The following MEA1 variants were observed in gnomAD, a reference collection of about 807,000 sequenced individuals.
MEA1 encodes the protein Male-enhanced antigen (H-Y structural gene).
Under a neutral mutation model 21.4 loss-of-function variants are expected in MEA1, and 22 were observed. That is an observed-to-expected ratio of 1.03 (90% CI 0.73 to 1.47). The LOEUF (loss-of-function observed/expected upper bound fraction) is 1.47, where lower values mean the gene tolerates loss of function less well. MEA1 is among the 40% of genes most tolerant of loss of function. The probability of loss-of-function intolerance (pLI) is 0.00; values close to 1 mark genes in which losing one functional copy is unlikely to be tolerated. For synonymous variants in MEA1, 91 were observed against 85.5 expected (o/e 1.06, Z -0.35); for missense variants, 233 against 230.5 (o/e 1.01, Z -0.07).
upstream of MEA1, chr6:43,014,162 G>A (rs1762496955): frequency 1.1e-5 from 16 of 1,415,800 alleles, no homozygotes; most frequent in Non-Finnish European, 1.5e-5. Flanking sequence ...GAAACGTATG[G>A]ACTACAAGTC....
chr6:43,016,861 G>C (rs1297099532), upstream of MEA1: 4 of 341,792 alleles, frequency 1.2e-5, no homozygotes, highest in Non-Finnish European at 2.2e-5. Context: ...CGAGTAGGTT[G>C]TGACCATGAT....
Position 43,013,000 on chromosome 6 carries a change from G to A in MEA1, c.332C>T (p.Pro111Leu). 1 of 1,614,178 alleles carries A rather than the reference G, an allele frequency of 6.2e-7. No individual in the cohort carries two copies. The change falls in exon 3 of 4, where the codon CCA (proline) becomes CTA (leucine). Residue 111 changes from proline (P) to leucine (L), a missense_variant. By Grantham distance (98) the Pro-to-Leu change is moderately conservative. Coordinates refer to ENST00000244711, the MANE Select transcript of MEA1 (RefSeq NM_014623.4). ...QALGLHLPDPPLESEDEDEEG... is the reference protein window; with the variant it reads ...QALGLHLPDPLLESEDEDEEG... ...CTCATCTTCATCTTCACTCTCTAAT[G>A]GTGGGTCTGGCAAATGAAGCCCCAG... is the stretch of plus-strand genomic sequence containing the variant.
At position 43,013,912 on chromosome 6, in the gene MEA1, C is replaced by T; in HGVS notation, c.-99G>A. 3 of 1,485,570 alleles carry T rather than the reference C, an allele frequency of 2.0e-6. No homozygotes were observed. Among genetic ancestry groups the T allele is most frequent in the Non-Finnish European group, 2.7e-6 (3 of 1,117,858 alleles). The allele number at this position is 1,485,570 out of a possible 1,614,324, so 92.0% of individuals were successfully genotyped here. The stretch of plus-strand genomic sequence containing the variant: ...GCGCGCCTCACCCGCTCAGAGCCCG[C>T]GGCCTCCACTTCCGGCGGGGCAGGA... On this transcript the variant is annotated 5_prime_UTR_variant, in exon 1 of 4. Coordinates refer to ENST00000244711, the MANE Select transcript of MEA1 (RefSeq NM_014623.4).
rs117965109 is a variant in MEA1 at position 43,013,111 on chromosome 6, C to T, written c.303+4G>A. 0.019 allele frequency: 30,230 copies of T among 1,614,096 alleles called. 1,520 individuals are homozygous for T. In the Admixed American group the frequency reaches 0.19, roughly 10 times the overall value. The stretch of plus-strand genomic sequence containing the variant: ...GTTCAGGAACCATCCCTCCTCCACC[C>T]TACCTGGATTCGATCCTGGATGTCA... On this transcript the variant is annotated splice_donor_region_variant and intron_variant, in intron 2 of 3. Transcript: ENST00000244711.
chr6:43,014,705 G>T (rs1321355738), upstream of MEA1: 2 of 443,416 alleles, frequency 4.5e-6, no homozygotes, highest in South Asian at 3.2e-5. Context: ...GCAGAGAGGG[G>T]TATCGTGGTC....
At chr6:43,012,729 C>T (rs1762414641) in intron 3 of MEA1, 108 bp from the exon 4 acceptor site, 2 of 1,373,668 alleles carry the variant, frequency 1.5e-6, no homozygotes, top group East Asian at 4.9e-5. Context: ...TCACCAAATC[C>T]ACCTTGTTAC....
At chr6:43,014,033 C>T, upstream of MEA1, 2 of 1,420,916 alleles carry the variant, frequency 1.4e-6, no homozygotes, top group Non-Finnish European at 1.8e-6. Flanking sequence ...TCCGTCATTC[C>T]CAGCCCAAAA....
chr6:43,014,236 C>G (rs1395291191), upstream of MEA1: 1 of 1,125,054 alleles, frequency 8.9e-7, no homozygotes, highest in Non-Finnish European at 1.2e-6. Context: ...CCGGAAGAAC[C>G]GAGCTTGGCT....
At position 43,012,919 on chromosome 6, in the gene MEA1, C is replaced by A; in HGVS notation, c.406+7G>T. On this transcript the variant is annotated splice_region_variant and intron_variant, in intron 3 of 3. Coordinates refer to ENST00000244711, the MANE Select transcript of MEA1 (RefSeq NM_014623.4). ...AATTATTCCAGAATGAAAGAATGAT[C>A]TTTTACCTGGGTCCATGGGAATAGA... 1 of 1,611,818 alleles carries A rather than the reference C, an allele frequency of 6.2e-7. No homozygotes were observed. The highest frequency in any genetic ancestry group is 1.3e-5 in the African/African-American group (1 of 75,006).
In MEA1 at chr6:43,013,200, A is replaced by T; in HGVS notation, c.218T>A (p.Leu73Gln). The change falls in exon 2 of 4, where the codon CTG becomes CAG. Residue 73 changes from leucine (L) to glutamine (Q), a missense_variant. By Grantham distance (113) the Leu-to-Gln change is moderately radical. Transcript: ENST00000244711. Reference sequence around the variant, plus strand: ...CTCCTCTTGTTCAGGATCTTGGTTCAGGGGCTGGTAGGAGTAGCCAGCTGG... The same window carrying T: ...CTCCTCTTGTTCAGGATCTTGGTTCTGGGGCTGGTAGGAGTAGCCAGCTGG... ...SGPAGYSYQP[L>Q]NQDPEQEEVE... is the part of the protein sequence containing the mutation. 1 of 1,614,136 alleles carries T rather than the reference A, an allele frequency of 6.2e-7. No homozygotes were observed. The highest frequency in any genetic ancestry group is 8.5e-7 in the Non-Finnish European group (1 of 1,180,010).
Position 43,013,318 on chromosome 6 carries a change from T to G in MEA1, c.100A>C (p.Thr34Pro). The G allele has an allele frequency of 6.2e-7, 1 of 1,614,032 alleles. No homozygotes were observed. Among genetic ancestry groups the G allele is most frequent in the Non-Finnish European group, 8.5e-7 (1 of 1,179,996 alleles). The change falls in exon 2 of 4, where the codon ACT becomes CCT. Residue 34 changes from threonine (T) to proline (P), a missense_variant. By Grantham distance (38) the Thr-to-Pro change is conservative. Transcript: ENST00000244711. ...MGPERIFPNQ[T>P]EELGHQGPSE... ...GGGCCCTGATGTCCCAGTTCCTCAG[T>G]CTGATTGGGGAAGATACGCTCAGGG... is the stretch of plus-strand genomic sequence containing the variant.
rs1762406641 is a variant in MEA1, at chr6:43,012,589, C to T, written c.439G>A (p.Gly147Arg). 1 of 1,610,280 alleles carries T rather than the reference C, an allele frequency of 6.2e-7. No homozygotes were observed. Among genetic ancestry groups the T allele is most frequent in the Admixed American group, 1.7e-5 (1 of 58,842 alleles). The part of the protein sequence containing the change: ...HVELVKRTMA[G>R]VSLPAPGVPA... ...ACCCCTGGCGCAGGCAGGCTTACTCCAGCCATTGTCCTTTTCACCAGCTCT... is the reference window on the plus strand; with the variant it reads ...ACCCCTGGCGCAGGCAGGCTTACTCTAGCCATTGTCCTTTTCACCAGCTCT... The change falls in exon 4 of 4, where the codon GGA becomes AGA. Residue 147 changes from glycine to arginine, a missense_variant. Physicochemically the swap from Gly to Arg is moderately radical, Grantham distance 125. Transcript: ENST00000244711.
Position 43,011,306 on chromosome 6 carries a change from AG to A in MEA1, c.*1163del, listed in dbSNP as rs756047688. 242 of 1,613,208 alleles carry A rather than the reference AG, an allele frequency of 1.5e-4. No homozygotes were observed. The highest frequency in any genetic ancestry group is 2.0e-4 in the Non-Finnish European group (231 of 1,179,876). ...CTCTGACCCCTCACGTTCCTACCAC[AG>A]GGCCACAGCCCACACAGCCCTGGGA... On this transcript the variant is annotated 3_prime_UTR_variant, in exon 4 of 4. Transcript: ENST00000244711.
chr6:43,013,733 C>T (rs1007120462), intron 1 of MEA1, 53 bp downstream of exon 1: 4 of 1,540,742 alleles, frequency 2.6e-6, no homozygotes, highest in Admixed American at 1.7e-5. Context: ...CTCCCCTAAA[C>T]AGGTCGGCGT....
In MEA1 at chr6:43,012,563, A is replaced by G; in HGVS notation, c.465T>C (p.Val155=). The G allele has an allele frequency of 3.1e-6, 5 of 1,612,040 alleles. No homozygotes were observed. Among genetic ancestry groups the G allele is most frequent in the Non-Finnish European group, 4.2e-6 (5 of 1,179,184 alleles). The stretch of plus-strand genomic sequence containing the variant: ...CCGATATCTCCCGAGCCCAGGCAGG[A>G]ACCCCTGGCGCAGGCAGGCTTACTC... ...MAGVSLPAPG[V]PAWAREISDA... The change falls in exon 4 of 4, where the codon GTT becomes GTC. Residue 155 remains valine (V), a synonymous_variant. Transcript: ENST00000244711.
chr6:43,011,392 TC>T lies in MEA1; in HGVS notation c.*1077del. 1 of 1,449,930 alleles carries T rather than the reference TC, an allele frequency of 6.9e-7. No homozygotes were observed. The highest frequency in any genetic ancestry group is 2.4e-5 in the East Asian group (1 of 41,952). 89.8% of individuals were successfully genotyped at this position (1,449,930 alleles called of 1,614,324 possible). On this transcript the variant is annotated 3_prime_UTR_variant, in exon 4 of 4. Transcript: ENST00000244711. ...GGCTGTCTTGGGGGAAGGCAGCGCC[TC>T]TCTAGCTACTCAAGGGAGGGGGATG...
rs1365797119 is a variant in MEA1 at position 43,012,584 on chromosome 6, T to TA, written c.443dup (p.Ser149LysfsTer177). 3.7e-6 allele frequency: 6 copies of TA among 1,611,128 alleles called. No homozygotes were observed. In the Admixed American group the frequency reaches 6.8e-5, roughly 18 times the overall value. On this transcript the variant is annotated frameshift_variant, in exon 4 of 4. Transcript: ENST00000244711. LOFTEE classifies it high-confidence loss of function. ...CAGGAACCCCTGGCGCAGGCAGGCT[T>TA]ACTCCAGCCATTGTCCTTTTCACCA... is the stretch of plus-strand genomic sequence containing the variant.
At position 43,013,276 on chromosome 6, in the gene MEA1, CCCCAGTGCCTTCTGAAGGGCCCTGATGT is replaced by C. The variant is rs1416225397; in HGVS notation, c.114_141del (p.His39IlefsTer26). ...TCCTCAGGCTCCTCACTGCTCCAAT[CCCCAGTGCCTTCTGAAGGGCCCTGATGT>C]CCCAGTTCCTCAGTCTGATTGGGGA... On this transcript the variant is annotated frameshift_variant, in exon 2 of 4. Transcript: ENST00000244711. LOFTEE classifies it high-confidence loss of function. 1.2e-6 allele frequency: 2 copies of C among 1,614,186 alleles called. No individual in the cohort carries two copies. Among genetic ancestry groups the C allele is most frequent in the Non-Finnish European group, 1.7e-6 (2 of 1,180,024 alleles).
At chr6:43,015,463 C>T (rs1411527006), upstream of MEA1, among the ~76,000 whole-genome samples, 3 of 152,178 alleles carry the variant, frequency 2.0e-5, no homozygotes, top group African/African-American at 4.8e-5. Flanking sequence ...GAGATGCTTG[C>T]CAGCAAAAGC....
Sources: gnomAD v4.1 joint callset for allele counts (sites outside exome capture counted in the v4.1 genomes callset) on GRCh38, gnomAD v4.1.1 for gene constraint, MANE v1.5 for transcripts, NCBI Gene and HGNC (gene_info 2026-07-23, HGNC 2026-07-21) for gene names.